PARVA: variants seen among roughly 807,000 people sequenced by gnomAD.
The protein encoded by PARVA is alpha-parvin.
PARVA carries 25 observed loss-of-function variants against 52.6 expected under a neutral mutation model. That is an observed-to-expected ratio of 0.48 (90% CI 0.35 to 0.66). The LOEUF (loss-of-function observed/expected upper bound fraction) is 0.66. Among genes scored for constraint, PARVA ranks in the 30% least tolerant of loss-of-function variants. PARVA has a pLI of 0.01. For missense variants in PARVA, 373 were observed against 450.9 expected (o/e 0.83, Z 1.56); for synonymous variants, 185 against 179.1 (o/e 1.03, Z -0.26).
intron 1 of PARVA, among the ~76,000 whole-genome samples, chr11:12,467,786 T>C (rs1439531401): frequency 6.6e-6 from 1 of 152,206 alleles, no homozygotes; most frequent in Non-Finnish European, 1.5e-5. Flanking sequence ...GGTTCTTTTC[T>C]TGCCCTCTCT....
Position 12,534,645 on chromosome 11 carries a change from G to A in PARVA, c.*6720G>A, listed in dbSNP as rs192881731. 1.3e-5 allele frequency among the ~76,000 whole-genome samples: 2 copies of A among 152,286 alleles called. No homozygotes were observed. The highest frequency in any genetic ancestry group is 4.8e-5 in the African/African-American group (2 of 41,572). ...ACACACAAATGTCATTAAGGCAACC[G>A]CTTAAAGGAGTGTGATATTTTATTG... On this transcript the variant is annotated 3_prime_UTR_variant, in exon 13 of 13. Transcript: ENST00000334956.
rs777534162 is a variant in PARVA at position 12,530,986 on chromosome 11, G to A, written c.*3061G>A. 3.9e-5 allele frequency among the ~76,000 whole-genome samples: 6 copies of A among 152,126 alleles called. No individual in the cohort carries two copies. Among genetic ancestry groups the A allele is most frequent in the African/African-American group, 7.2e-5 (3 of 41,434 alleles). On this transcript the variant is annotated 3_prime_UTR_variant, in exon 13 of 13. Transcript: ENST00000334956. ...GAGGCATCCTCATGTGCCTCGAACC[G>A]AATGTTTTTAAGTCCTCTTTTGGAA...
At chr11:12,387,961 G>T (rs576697633) in intron 1 of PARVA, among the ~76,000 whole-genome samples, 3 of 152,248 alleles carry the variant, frequency 2.0e-5, no homozygotes, top group Non-Finnish European at 4.4e-5. Context: ...GAGATTCAGA[G>T]TTCCCTTAAT....
intron 1 of PARVA, among the ~76,000 whole-genome samples, chr11:12,431,483 GTC>G (rs201513914): frequency 0.013 from 1,987 of 152,320 alleles, 57 homozygotes; most frequent in African/African-American, 0.045. Context: ...TGAGGCAAGA[GTC>G]TGCAGAACCC....
At chr11:12,389,005 A>G (rs1411795432) in intron 1 of PARVA, among the ~76,000 whole-genome samples, 3 of 152,194 alleles carry the variant, frequency 2.0e-5, no homozygotes, top group Non-Finnish European at 2.9e-5. Context: ...TAGAACTGAT[A>G]GCCAAGAAGA....
In PARVA at chr11:12,403,429, C is replaced by T. The variant is rs188144544; in HGVS notation, c.136+25646C>T. On this transcript the variant is annotated intron_variant, in intron 1 of 12. Transcript: ENST00000334956. ...TTGCATGGTGATGATAGGAGGCCCC[C>T]AGCCTTCTCTGTGCCCAGCCAGTGC... is the stretch of plus-strand genomic sequence containing the variant. Among the ~76,000 whole-genome samples, 3 of 152,332 alleles carry T rather than the reference C, an allele frequency of 2.0e-5. No homozygotes were observed. In the East Asian group the frequency reaches 5.8e-4, roughly 29 times the overall value.
At chr11:12,483,566 G>A (rs1440230145) in intron 4 of PARVA, among the ~76,000 whole-genome samples, 1 of 152,160 alleles carries the variant, frequency 6.6e-6, no homozygotes, top group Non-Finnish European at 1.5e-5. Flanking sequence ...GACCTGTGCA[G>A]GAAATAAAAA....
chr11:12,500,812 A>T (rs533234997), intron 5 of PARVA, among the ~76,000 whole-genome samples: 2 of 140,234 alleles, frequency 1.4e-5, no homozygotes, highest in Non-Finnish European at 3.1e-5. Flanking sequence ...AAAAAGGGGG[A>T]AAAAAAACCT....
intron 1 of PARVA, among the ~76,000 whole-genome samples, chr11:12,464,103 G>A (rs1435930974): frequency 6.6e-6 from 1 of 151,804 alleles, no homozygotes; most frequent in Admixed American, 6.6e-5. Flanking sequence ...TGGAGAACAG[G>A]ACTAGAAACG....
chr11:12,517,706 C>T lies in PARVA; in HGVS notation c.964C>T (p.Gln322Ter). Residue 322 changes from glutamine (Q) to a stop codon, truncating the protein, a stop_gained, in exon 11 of 13, where the codon CAG becomes TAG. Coordinates refer to ENST00000334956, the MANE Select transcript of PARVA (RefSeq NM_018222.5). LOFTEE classifies it high-confidence loss of function. ...CTTCCTGACCCCGGACAGCTTTGAA[C>T]AGAAGGTAAGGAGAAGGGACATCAA... is the stretch of plus-strand genomic sequence containing the variant. ...SFFLTPDSFE[Q>*]KVLNVSFAFE... 2 of 1,594,808 alleles carry T rather than the reference C, an allele frequency of 1.3e-6. No individual in the cohort carries two copies. The highest frequency in any genetic ancestry group is 1.3e-5 in the African/African-American group (1 of 74,698).
intron 1 of PARVA, among the ~76,000 whole-genome samples, chr11:12,416,510 C>T (rs549295548): frequency 4.6e-5 from 7 of 152,126 alleles, no homozygotes. Context: ...AATACCAAAA[C>T]CTGAAGATTT....
intron 1 of PARVA, among the ~76,000 whole-genome samples, chr11:12,463,780 G>A (rs1940816415): frequency 6.6e-6 from 1 of 152,104 alleles, no homozygotes; most frequent in African/African-American, 2.4e-5. Flanking sequence ...TCTCTTCCAT[G>A]TGTTAATTTA....
chr11:12,381,205 A>T (rs1939481067), intron 1 of PARVA, among the ~76,000 whole-genome samples: 1 of 152,160 alleles, frequency 6.6e-6, no homozygotes, highest in Non-Finnish European at 1.5e-5. Flanking sequence ...TGCTGAAGTG[A>T]TGGTTAGTAG....
chr11:12,456,932 A>G (rs967081146), intron 1 of PARVA, among the ~76,000 whole-genome samples: 2 of 152,228 alleles, frequency 1.3e-5, no homozygotes, highest in Non-Finnish European at 1.5e-5. Flanking sequence ...ATGAGTCTGT[A>G]CCAGCTACCC....
intron 4 of PARVA, among the ~76,000 whole-genome samples, chr11:12,485,875 T>A (rs117698014): frequency 6.6e-6 from 1 of 151,980 alleles, no homozygotes; most frequent in Admixed American, 6.6e-5. Flanking sequence ...GAGAAAAATA[T>A]AGGAAAAATC....
intron 1 of PARVA, among the ~76,000 whole-genome samples, chr11:12,463,413 C>A (rs553920336): frequency 6.6e-6 from 1 of 152,136 alleles, no homozygotes; most frequent in Non-Finnish European, 1.5e-5. Flanking sequence ...GAGTACTGGT[C>A]AAGTATTTTT....
At chr11:12,425,830 C>T (rs910726194) in intron 1 of PARVA, among the ~76,000 whole-genome samples, 1 of 152,274 alleles carries the variant, frequency 6.6e-6, no homozygotes, top group Admixed American at 6.5e-5. Context: ...TGTGTTGAGG[C>T]GTTAACAATT....
intron 1 of PARVA, among the ~76,000 whole-genome samples, chr11:12,447,227 A>AT (rs965345911): frequency 1.1e-4 from 17 of 151,938 alleles, no homozygotes; most frequent in East Asian, 1.9e-4. Context: ...TCTCTAGTGT[A>AT]TTTTTTTTGG....
intron 1 of PARVA, among the ~76,000 whole-genome samples, chr11:12,390,551 T>C (rs554228787): frequency 2.0e-5 from 3 of 152,280 alleles, no homozygotes; most frequent in African/African-American, 7.2e-5. Context: ...GTTACGACCC[T>C]AGCTGAGTAA....
Sources: allele counts gnomAD v4.1 joint callset (sites outside exome capture counted in the v4.1 genomes callset), GRCh38; gene constraint gnomAD v4.1.1; transcripts MANE v1.5; gene names NCBI Gene and HGNC (gene_info 2026-07-23, HGNC 2026-07-21).